The following HSPA4 variants were observed in gnomAD, a reference collection of about 807,000 sequenced individuals.
HSPA4 encodes heat shock 70 kDa protein 4.
A neutral mutation model predicts 106.2 loss-of-function variants in HSPA4; 25 were observed. The observed-to-expected ratio is 0.24, with a 90% CI of 0.17 to 0.33. HSPA4 has a LOEUF of 0.33. Ranked by LOEUF, HSPA4 falls within the 10% of genes least tolerant of loss-of-function variation. The probability of loss-of-function intolerance (pLI) is 1.00; values close to 1 mark genes in which losing one functional copy is unlikely to be tolerated. For synonymous variants in HSPA4, 332 were observed against 333.6 expected (o/e 1.00, Z 0.05); for missense variants, 841 against 996.0 (o/e 0.84, Z 2.10).
At chr5:133,054,288 C>T (rs1765131083) in intron 1 of HSPA4, among the ~76,000 whole-genome samples, 1 of 151,896 alleles carries the variant, frequency 6.6e-6, no homozygotes, top group South Asian at 2.1e-4. Flanking sequence ...CTGCAGCCTC[C>T]GCCTCCTGGG....
intron 9 of HSPA4, 48 bp downstream of exon 9, chr5:133,088,603 A>C (rs1448090522): frequency 6.6e-7 from 1 of 1,509,248 alleles, no homozygotes; most frequent in East Asian, 2.3e-5. Flanking sequence ...TCATTGTAAC[A>C]AGATGGCAGT....
intron 1 of HSPA4, among the ~76,000 whole-genome samples, chr5:133,061,391 G>A (rs1765240784): frequency 6.6e-6 from 1 of 151,710 alleles, no homozygotes; most frequent in African/African-American, 2.4e-5. Context: ...CAAAGTGCTG[G>A]GATTACAGGT....
Position 133,091,338 on chromosome 5 carries a change from G to A in HSPA4, c.1524G>A (p.Glu508=). 1 of 1,613,892 alleles carries A rather than the reference G, an allele frequency of 6.2e-7. No individual in the cohort carries two copies. The highest frequency in any genetic ancestry group is 8.5e-7 in the Non-Finnish European group (1 of 1,179,888). ...TTCACAAGTCTGAGGAAAATGAGGA[G>A]CCAATGGAAACAGATCAGAATGCAA... ...VEVHKSEENE[E]PMETDQNAKE... is the part of the protein sequence containing the mutation. The change falls in exon 12 of 19, where the codon GAG becomes GAA. Residue 508 remains glutamate (E), a synonymous_variant. Coordinates refer to ENST00000304858, the MANE Select transcript of HSPA4 (RefSeq NM_002154.4).
chr5:133,055,515 T>C (rs1581461993), intron 1 of HSPA4, among the ~76,000 whole-genome samples: 4 of 152,188 alleles, frequency 2.6e-5, no homozygotes, highest in Admixed American at 2.6e-4. Context: ...GAGGAGCCAG[T>C]GGAGTCTCAT....
chr5:133,099,015 C>G (rs1233352910), intron 15 of HSPA4, among the ~76,000 whole-genome samples: 1 of 152,074 alleles, frequency 6.6e-6, no homozygotes, highest in Non-Finnish European at 1.5e-5. Context: ...TTTTAACTTA[C>G]CGAAAGCCCT....
intron 7 of HSPA4, among the ~76,000 whole-genome samples, chr5:133,080,409 C>A (rs1474879774): frequency 1.6e-5 from 2 of 127,616 alleles, no homozygotes; most frequent in South Asian, 2.5e-4. Context: ...GAGAGTGAGA[C>A]CCTGTCTCAA....
Position 133,052,064 on chromosome 5 carries a change from G to A in HSPA4, c.-187G>A, listed in dbSNP as rs1313539367. 3.7e-6 allele frequency: 2 copies of A among 544,896 alleles called. No homozygotes were observed. Among genetic ancestry groups the A allele is most frequent in the Admixed American group, 7.0e-5 (2 of 28,596 alleles). 33.8% of individuals were successfully genotyped at this position (544,896 alleles called of 1,614,324 possible). On this transcript the variant is annotated 5_prime_UTR_variant, in exon 1 of 19. Coordinates refer to ENST00000304858, the MANE Select transcript of HSPA4 (RefSeq NM_002154.4). Reference sequence around the variant, plus strand: ...CGCCTCCTCTGCGGCCACTGAGCCGGAGCCGGCCTGAGCAGCGCTCTCGGT... The same window carrying A: ...CGCCTCCTCTGCGGCCACTGAGCCGAAGCCGGCCTGAGCAGCGCTCTCGGT...
At chr5:133,081,074 G>C (rs1277799925) in intron 7 of HSPA4, among the ~76,000 whole-genome samples, 3 of 151,924 alleles carry the variant, frequency 2.0e-5, no homozygotes, top group African/African-American at 7.3e-5. Flanking sequence ...TTGAGACAGA[G>C]TCTCAGTAGG....
chr5:133,073,782 A>G (rs1383664868), intron 5 of HSPA4, among the ~76,000 whole-genome samples: 1 of 152,230 alleles, frequency 6.6e-6, no homozygotes, highest in Non-Finnish European at 1.5e-5. Context: ...GTCCATTGGC[A>G]ACTGTAAGGA....
At chr5:133,054,178 TAAC>T (rs1765129406) in intron 1 of HSPA4, among the ~76,000 whole-genome samples, 1 of 152,094 alleles carries the variant, frequency 6.6e-6, no homozygotes, top group African/African-American at 2.4e-5. Context: ...TTAGTCTTGT[TAAC>T]AGCCCTATTA....
intron 1 of HSPA4, among the ~76,000 whole-genome samples, chr5:133,063,728 C>T (rs568957644): frequency 2.7e-5 from 4 of 150,184 alleles, no homozygotes; most frequent in Admixed American, 2.0e-4. Flanking sequence ...CCACCACGCT[C>T]GGCCAAAATT....
intron 7 of HSPA4, among the ~76,000 whole-genome samples, chr5:133,078,943 A>C (rs2126705401): frequency 6.6e-6 from 1 of 152,232 alleles, no homozygotes; most frequent in African/African-American, 2.4e-5. Flanking sequence ...CATGTTGCCC[A>C]GGCTGGTCTT....
intron 1 of HSPA4, among the ~76,000 whole-genome samples, chr5:133,055,803 C>T (rs1177772445): frequency 6.6e-6 from 1 of 152,050 alleles, no homozygotes; most frequent in Non-Finnish European, 1.5e-5. Context: ...AAGGACCTGG[C>T]ACGATAGCTC....
intron 7 of HSPA4, among the ~76,000 whole-genome samples, chr5:133,081,123 C>A (rs1183648355): frequency 2.0e-5 from 3 of 152,034 alleles, no homozygotes; most frequent in Non-Finnish European, 4.4e-5. Context: ...TCTTGGCTTG[C>A]TTCAACCTCC....
Position 133,088,472 on chromosome 5 carries a change from GAGA to G in HSPA4, c.1058_1060del (p.Lys353del). On this transcript the variant is annotated inframe_deletion, in exon 9 of 19. Transcript: ENST00000304858. ...TGCTACACGAATCCCTGCGGTAAAAGAGAAGATCAGCAAATTTTTCGGTAAAGA... is the reference window on the plus strand; with the variant it reads ...TGCTACACGAATCCCTGCGGTAAAAGAGATCAGCAAATTTTTCGGTAAAGA... 1 of 1,613,328 alleles carries G rather than the reference GAGA, an allele frequency of 6.2e-7. No individual in the cohort carries two copies. The highest frequency in any genetic ancestry group is 8.5e-7 in the Non-Finnish European group (1 of 1,179,246).
chr5:133,071,609 T>G (rs911555373), intron 4 of HSPA4, among the ~76,000 whole-genome samples: 1 of 152,228 alleles, frequency 6.6e-6, no homozygotes, highest in African/African-American at 2.4e-5. Flanking sequence ...TGCCACCGAA[T>G]CTCCTCATTC....
rs1223491520 is a variant in HSPA4 at position 133,106,065 on chromosome 5, C to T, written c.*1629C>T. ...TTAAGCCAACCCTTTACAACTGGCCCAGACCGTAATGGCCATTTCTTCTTA... is the reference window on the plus strand; with the variant it reads ...TTAAGCCAACCCTTTACAACTGGCCTAGACCGTAATGGCCATTTCTTCTTA... On this transcript the variant is annotated 3_prime_UTR_variant, in exon 19 of 19. Transcript: ENST00000304858. 1 of 146,342 alleles carries T rather than the reference C, an allele frequency of 6.8e-6. No homozygotes were observed. The highest frequency in any genetic ancestry group is 1.5e-5 in the Non-Finnish European group (1 of 67,292). The allele number at this position is 146,342 out of a possible 1,614,324, so 9.1% of individuals were successfully genotyped here.
chr5:133,089,922 G>C (rs551480315), intron 11 of HSPA4, among the ~76,000 whole-genome samples: 25 of 152,218 alleles, frequency 1.6e-4, no homozygotes, highest in African/African-American at 5.8e-4. Context: ...ATGGTATTCT[G>C]AAATTTAGGG....
chr5:133,069,219 C>T (rs1765350307), intron 3 of HSPA4, among the ~76,000 whole-genome samples: 1 of 147,034 alleles, frequency 6.8e-6, no homozygotes, highest in African/African-American at 2.5e-5. Context: ...AGGGCTTTAT[C>T]TTGAAGCTTT....
Sources: gnomAD v4.1 joint callset for allele counts (sites outside exome capture counted in the v4.1 genomes callset) on GRCh38, gnomAD v4.1.1 for gene constraint, MANE v1.5 for transcripts, NCBI Gene and HGNC (gene_info 2026-07-23, HGNC 2026-07-21) for gene names.